The following RALY variants were observed in gnomAD, a reference collection of about 807,000 sequenced individuals.
The protein encoded by RALY is RNA-binding protein Raly.
RALY carries 15 observed loss-of-function variants against 30.7 expected under a neutral mutation model. The observed-to-expected ratio is 0.49, with a 90% CI of 0.33 to 0.75. RALY has a LOEUF of 0.75. Ranked by LOEUF, RALY falls within the 30% of genes least tolerant of loss-of-function variation. The probability of loss-of-function intolerance (pLI) is 0.02; values close to 1 mark genes in which losing one functional copy is unlikely to be tolerated. For synonymous variants in RALY, 177 were observed against 170.8 expected (o/e 1.04, Z -0.28); for missense variants, 339 against 414.3 (o/e 0.82, Z 1.58).
intron 7 of RALY, 45 bp downstream of exon 7, chr20:34,076,860 G>A (rs1023929466): frequency 4.4e-5 from 70 of 1,603,638 alleles, no homozygotes; most frequent in Non-Finnish European, 5.4e-5. Flanking sequence ...CCAGGGCACA[G>A]GGCAGAGCAT....
chr20:34,025,792 T>G (rs1044182932), intron 1 of RALY, among the ~76,000 whole-genome samples: 3 of 152,044 alleles, frequency 2.0e-5, no homozygotes, highest in African/African-American at 7.3e-5. Context: ...CCAGACCGTT[T>G]GCTTGATTCC....
At chr20:34,034,949 G>A (rs528971572) in intron 2 of RALY, among the ~76,000 whole-genome samples, 5 of 151,972 alleles carry the variant, frequency 3.3e-5, no homozygotes, top group South Asian at 4.2e-4. Flanking sequence ...TCAGGAGATC[G>A]AGACCATCCT....
rs2034006814 is a variant in RALY, at chr20:34,080,240, C to T, written c.*335C>T. On this transcript the variant is annotated 3_prime_UTR_variant, in exon 10 of 10. Coordinates refer to ENST00000246194, the MANE Select transcript of RALY (RefSeq NM_016732.3). ...GGGGGCCACAGGGAGGGGACCCTGACAATAAAGAGATTGGATCCCAACCTG... is the reference window on the plus strand; with the variant it reads ...GGGGGCCACAGGGAGGGGACCCTGATAATAAAGAGATTGGATCCCAACCTG... The T allele has an allele frequency of 6.6e-6, 1 of 152,336 alleles. No homozygotes were observed. Among genetic ancestry groups the T allele is most frequent in the East Asian group, 1.9e-4 (1 of 5,202 alleles). The allele number at this position is 152,336 out of a possible 1,614,324, so 9.4% of individuals were successfully genotyped here. A position where few individuals can be genotyped will look rare whatever the true frequency, so the allele number is the denominator to read the frequency against.
At chr20:34,033,962 C>T (rs1248036509) in intron 2 of RALY, among the ~76,000 whole-genome samples, 1 of 152,152 alleles carries the variant, frequency 6.6e-6, no homozygotes, top group Non-Finnish European at 1.5e-5. Context: ...AGCCAGGTAG[C>T]ACAGGCAGCC....
chr20:34,063,515 A>T lies in RALY; in HGVS notation c.-9-8551A>T, dbSNP rs541542235. Among the ~76,000 whole-genome samples, 5 of 152,296 alleles carry T rather than the reference A, an allele frequency of 3.3e-5. No individual in the cohort carries two copies. In the South Asian group the frequency reaches 1.0e-3, roughly 32 times the overall value. ...CAGATGATACTACATATCTCATTAG[A>T]TTGTGATCAGGATTACAAGAGATTA... On this transcript the variant is annotated intron_variant, in intron 2 of 9. Transcript: ENST00000246194.
chr20:34,010,249 C>A (rs1048738420), intron 1 of RALY, among the ~76,000 whole-genome samples: 1 of 151,946 alleles, frequency 6.6e-6, no homozygotes, highest in Admixed American at 6.6e-5. Context: ...GTCTTTTTTT[C>A]TTCCAGTGGC....
chr20:34,036,577 G>T (rs1377908792), intron 2 of RALY, among the ~76,000 whole-genome samples: 1 of 152,146 alleles, frequency 6.6e-6, no homozygotes, highest in Non-Finnish European at 1.5e-5. Context: ...CTCCTCCTCT[G>T]ATTTCTGAAA....
intron 2 of RALY, among the ~76,000 whole-genome samples, 180 bp downstream of exon 2, chr20:34,031,784 C>T (rs1291500305): frequency 6.6e-6 from 1 of 152,230 alleles, no homozygotes; most frequent in Non-Finnish European, 1.5e-5. Flanking sequence ...TGAGACTGCT[C>T]TCCTAGAATT....
At chr20:34,022,452 A>G (rs1023668488) in intron 1 of RALY, among the ~76,000 whole-genome samples, 1 of 152,114 alleles carries the variant, frequency 6.6e-6, no homozygotes, top group Non-Finnish European at 1.5e-5. Context: ...TTTCCCCTCC[A>G]TAACTGTTGA....
chr20:34,069,297 C>A (rs1419946376), intron 2 of RALY, among the ~76,000 whole-genome samples: 1 of 152,184 alleles, frequency 6.6e-6, no homozygotes, highest in East Asian at 1.9e-4. Context: ...TCATTCCAAA[C>A]CCCAAGGAAT....
At chr20:34,039,855 G>T (rs968419358) in intron 2 of RALY, among the ~76,000 whole-genome samples, 8 of 152,194 alleles carry the variant, frequency 5.3e-5, no homozygotes, top group African/African-American at 1.9e-4. Flanking sequence ...GCTCATGCCT[G>T]TAATCCCAGC....
chr20:34,037,918 C>G (rs924817198), intron 2 of RALY, among the ~76,000 whole-genome samples: 4 of 152,114 alleles, frequency 2.6e-5, no homozygotes, highest in African/African-American at 9.7e-5. Flanking sequence ...TATGCAGGAG[C>G]GGGTATCTGT....
intron 2 of RALY, among the ~76,000 whole-genome samples, chr20:34,071,008 GAC>G (rs1196309756): frequency 6.6e-6 from 1 of 152,138 alleles, no homozygotes; most frequent in Admixed American, 6.5e-5. Context: ...GAGGAAAAGA[GAC>G]AGTGGGAGGT....
intron 1 of RALY, among the ~76,000 whole-genome samples, chr20:34,007,577 C>A (rs879648257): frequency 6.6e-6 from 1 of 150,732 alleles, no homozygotes; most frequent in Admixed American, 6.6e-5. Context: ...CCCAGCACTT[C>A]GGGAGGCCAA....
chr20:34,063,586 A>G (rs1193471615), intron 2 of RALY, among the ~76,000 whole-genome samples: 1 of 152,202 alleles, frequency 6.6e-6, no homozygotes, highest in Non-Finnish European at 1.5e-5. Flanking sequence ...AGTTCTACAT[A>G]TTAAATTGTA....
intron 1 of RALY, among the ~76,000 whole-genome samples, chr20:34,016,149 G>T (rs1295094166): frequency 1.3e-5 from 2 of 152,176 alleles, no homozygotes; most frequent in African/African-American, 2.4e-5. Flanking sequence ...GAGTACCACA[G>T]CATCCTCCAC....
intron 2 of RALY, among the ~76,000 whole-genome samples, chr20:34,045,691 C>T (rs2077176076): frequency 6.6e-6 from 1 of 152,240 alleles, no homozygotes. Flanking sequence ...TCATTTTCTT[C>T]TCCCTCATGT....
At chr20:34,011,224 G>A (rs1317348148) in intron 1 of RALY, among the ~76,000 whole-genome samples, 34 of 152,168 alleles carry the variant, frequency 2.2e-4, no homozygotes, top group Admixed American at 2.2e-3. Flanking sequence ...AAATTAGCAT[G>A]AATTCTTGAG....
Position 34,078,561 on chromosome 20 carries a change from G to A in RALY, c.*4+8G>A, listed in dbSNP as rs778033057. The A allele has an allele frequency of 6.4e-7, 1 of 1,564,542 alleles. No homozygotes were observed. The highest frequency in any genetic ancestry group is 1.2e-5 in the South Asian group (1 of 83,524). On this transcript the variant is annotated splice_region_variant and intron_variant, in intron 9 of 9. Transcript: ENST00000246194. ...GGGCCTTGCAGTAAGCAGGTACAGG[G>A]GTCCTGTCCTGATGGGCAGAGGGTG...
Sources: allele counts gnomAD v4.1 joint callset (sites outside exome capture counted in the v4.1 genomes callset), GRCh38; gene constraint gnomAD v4.1.1; transcripts MANE v1.5; gene names NCBI Gene and HGNC (gene_info 2026-07-23, HGNC 2026-07-21).